SSBP2: variants seen among roughly 807,000 people sequenced by gnomAD.
SSBP2 encodes the protein single stranded DNA binding protein 2.
Under a neutral mutation model 61.8 loss-of-function variants are expected in SSBP2, and 17 were observed. The ratio of observed to expected loss-of-function variants is 0.28; its 90% confidence interval spans 0.19 to 0.41. The LOEUF (loss-of-function observed/expected upper bound fraction) is 0.41. Among genes scored for constraint, SSBP2 ranks in the 10% least tolerant of loss-of-function variants. SSBP2 has a pLI of 1.00. For synonymous variants in SSBP2, 139 were observed against 141.3 expected (o/e 0.98, Z 0.12); for missense variants, 310 against 458.7 (o/e 0.68, Z 2.96).
At chr5:81,608,941 T>C (rs192319654) in intron 4 of SSBP2, among the ~76,000 whole-genome samples, 27 of 152,196 alleles carry the variant, frequency 1.8e-4, no homozygotes, top group African/African-American at 5.8e-4. Context: ...ATAAAGAGGA[T>C]AAAAAGAAGA....
At chr5:81,589,077 C>T (rs2153507106) in intron 4 of SSBP2, among the ~76,000 whole-genome samples, 1 of 152,032 alleles carries the variant, frequency 6.6e-6, no homozygotes, top group South Asian at 2.1e-4. Context: ...AACAAACAAA[C>T]AAAAAACAAA....
intron 4 of SSBP2, among the ~76,000 whole-genome samples, chr5:81,589,003 T>C (rs1775288046): frequency 1.3e-5 from 2 of 152,318 alleles, no homozygotes; most frequent in Admixed American, 1.3e-4. Context: ...AGGTAGAGGC[T>C]GCAGTGAGCT....
At position 81,680,100 on chromosome 5, in the gene SSBP2, G is replaced by A. The variant is rs994732979; in HGVS notation, c.63-29761C>T. 4.0e-5 allele frequency among the ~76,000 whole-genome samples: 6 copies of A among 151,752 alleles called. No individual in the cohort carries two copies. The South Asian group carries it at 6.2e-4, about 16-fold the overall frequency. On this transcript the variant is annotated intron_variant, in intron 1 of 16. Coordinates refer to ENST00000320672, the MANE Select transcript of SSBP2 (RefSeq NM_012446.5). Reference sequence around the variant, plus strand: ...ACACCTGGCCCTGCCACCCCACCCTGTTCTTGGGCCTTTAGACTCAAACTG... The same window carrying A: ...ACACCTGGCCCTGCCACCCCACCCTATTCTTGGGCCTTTAGACTCAAACTG...
intron 4 of SSBP2, among the ~76,000 whole-genome samples, chr5:81,589,767 G>A (rs1300470841): frequency 6.6e-6 from 1 of 152,114 alleles, no homozygotes; most frequent in Non-Finnish European, 1.5e-5. Flanking sequence ...TGGTTCTGGA[G>A]GCTGGAAAGT....
chr5:81,500,219 A>G (rs1179888049), intron 5 of SSBP2, among the ~76,000 whole-genome samples: 3 of 152,014 alleles, frequency 2.0e-5, no homozygotes. Context: ...ATAAAACATA[A>G]CTTTTTTTTT....
chr5:81,677,019 T>C (rs994539110), intron 1 of SSBP2, among the ~76,000 whole-genome samples: 3 of 152,192 alleles, frequency 2.0e-5, no homozygotes, highest in Non-Finnish European at 4.4e-5. Flanking sequence ...CACTCAGTAA[T>C]TAATACGCAG....
intron 4 of SSBP2, chr5:81,615,125 A>C (rs1257688005): frequency 1.1e-5 from 2 of 177,010 alleles, no homozygotes; most frequent in Non-Finnish European, 2.4e-5. Flanking sequence ...CAAGGGAGAA[A>C]TTTATCATTT....
At position 81,705,042 on chromosome 5, in the gene SSBP2, C is replaced by T. The variant is rs970107217; in HGVS notation, c.62+45939G>A. Among the ~76,000 whole-genome samples, 16 of 151,858 alleles carry T rather than the reference C, an allele frequency of 1.1e-4. No homozygotes were observed. In the East Asian group the frequency reaches 2.9e-3, roughly 28 times the overall value. The stretch of plus-strand genomic sequence containing the variant: ...TTGGAAGCCACTTAACCAAAGTATT[C>T]AAAACACACAAAATATATACATATT... On this transcript the variant is annotated intron_variant, in intron 1 of 16. Coordinates refer to ENST00000320672, the MANE Select transcript of SSBP2 (RefSeq NM_012446.5).
At chr5:81,435,773 G>A (rs1223682172) in intron 15 of SSBP2, among the ~76,000 whole-genome samples, 3 of 152,104 alleles carry the variant, frequency 2.0e-5, no homozygotes, top group Admixed American at 2.0e-4. Context: ...AAACTATCTT[G>A]ATGATCCTAC....
At chr5:81,514,602 C>G (rs1194795381) in intron 4 of SSBP2, among the ~76,000 whole-genome samples, 2 of 151,822 alleles carry the variant, frequency 1.3e-5, no homozygotes, top group Non-Finnish European at 2.9e-5. Context: ...GAAGATAGAT[C>G]AGTTTGAATT....
intron 2 of SSBP2, among the ~76,000 whole-genome samples, chr5:81,647,384 T>C (rs898231703): frequency 2.6e-5 from 4 of 152,246 alleles, no homozygotes; most frequent in African/African-American, 9.6e-5. Context: ...CATGGCATAC[T>C]TTGGCTTTCT....
chr5:81,734,159 T>C (rs1410697205), intron 1 of SSBP2, among the ~76,000 whole-genome samples: 1 of 152,210 alleles, frequency 6.6e-6, no homozygotes, highest in African/African-American at 2.4e-5. Flanking sequence ...CATTAACCTA[T>C]ACTTGTTTCT....
intron 1 of SSBP2, among the ~76,000 whole-genome samples, chr5:81,661,792 G>A (rs975677291): frequency 2.0e-5 from 3 of 151,990 alleles, no homozygotes; most frequent in African/African-American, 7.2e-5. Flanking sequence ...CCATTCCCTA[G>A]GTTGTCTCTT....
chr5:81,493,718 T>C (rs1302956728), intron 5 of SSBP2, among the ~76,000 whole-genome samples: 2 of 151,554 alleles, frequency 1.3e-5, no homozygotes, highest in Non-Finnish European at 2.9e-5. Context: ...ACCATGCCAT[T>C]GCATTCCAGC....
intron 8 of SSBP2, among the ~76,000 whole-genome samples, chr5:81,471,906 G>A (rs1371556616): frequency 6.6e-6 from 1 of 151,572 alleles, no homozygotes; most frequent in Non-Finnish European, 1.5e-5. Flanking sequence ...AATATACATA[G>A]TTATATGTTG....
In SSBP2 at chr5:81,568,248, C is replaced by T. The variant is rs1314650966; in HGVS notation, c.282+47225G>A. On this transcript the variant is annotated intron_variant, in intron 4 of 16. Coordinates refer to ENST00000320672, the MANE Select transcript of SSBP2 (RefSeq NM_012446.5). ...GGGACCTGGTGGGAGATAATTGAATCATAGGGGCAGCTTTCCCCAAAACTG... is the reference window on the plus strand; with the variant it reads ...GGGACCTGGTGGGAGATAATTGAATTATAGGGGCAGCTTTCCCCAAAACTG... Among the ~76,000 whole-genome samples, 6 of 152,126 alleles carry T rather than the reference C, an allele frequency of 3.9e-5. No individual in the cohort carries two copies. The South Asian group carries it at 1.2e-3, about 32-fold the overall frequency.
At chr5:81,526,714 A>G (rs1769968801) in intron 4 of SSBP2, among the ~76,000 whole-genome samples, 2 of 152,006 alleles carry the variant, frequency 1.3e-5, no homozygotes, top group Non-Finnish European at 2.9e-5. Context: ...AATTCAACAA[A>G]TATTTGCACC....
chr5:81,562,807 A>G (rs1265449636), intron 4 of SSBP2, among the ~76,000 whole-genome samples: 1 of 152,146 alleles, frequency 6.6e-6, no homozygotes, highest in African/African-American at 2.4e-5. Flanking sequence ...TACCACAAAA[A>G]TATCATTAAA....
chr5:81,734,103 T>C lies in SSBP2; in HGVS notation c.62+16878A>G, dbSNP rs942253792. On this transcript the variant is annotated intron_variant, in intron 1 of 16. Coordinates refer to ENST00000320672, the MANE Select transcript of SSBP2 (RefSeq NM_012446.5). ...TCAAGAGTCAAGACCCTTTGTTTTA[T>C]TTGGGTTAAAGCTACTTAAGTGAAT... is the stretch of plus-strand genomic sequence containing the variant. Among the ~76,000 whole-genome samples, 6 of 152,188 alleles carry C rather than the reference T, an allele frequency of 3.9e-5. No homozygotes were observed. The East Asian group carries it at 1.2e-3, about 29-fold the overall frequency.
Sources: allele counts gnomAD v4.1 joint callset (sites outside exome capture counted in the v4.1 genomes callset), GRCh38; gene constraint gnomAD v4.1.1; transcripts MANE v1.5; gene names NCBI Gene and HGNC (gene_info 2026-07-23, HGNC 2026-07-21).